The following ZSWIM9 variants were observed in gnomAD, a reference collection of about 807,000 sequenced individuals.
ZSWIM9 encodes the protein zinc finger SWIM-type containing 9, also known as uncharacterized protein ZSWIM9.
ZSWIM9 carries 11 observed loss-of-function variants against 25.0 expected under a neutral mutation model. The ratio of observed to expected loss-of-function variants is 0.44; its 90% CI spans 0.28 to 0.73. The LOEUF (loss-of-function observed/expected upper bound fraction) is 0.73. Ranked by LOEUF, ZSWIM9 falls within the 30% of genes least tolerant of loss-of-function variation. ZSWIM9 has a pLI of 0.16. For missense variants in ZSWIM9, 1,070 were observed against 1,296.5 expected (o/e 0.83, Z 2.68); for synonymous variants, 562 against 582.1 (o/e 0.97, Z 0.50).
chr19:48,196,874 C>T lies in ZSWIM9; in HGVS notation c.*47C>T. 8.0e-7 allele frequency: 1 copy of T among 1,249,636 alleles called. No homozygotes were observed. The highest frequency in any genetic ancestry group is 1.0e-6 in the Non-Finnish European group (1 of 998,464). 77.4% of individuals were successfully genotyped at this position (1,249,636 alleles called of 1,614,324 possible). A position where few individuals can be genotyped will look rare whatever the true frequency, so the allele number is the denominator to read the frequency against. On this transcript the variant is annotated 3_prime_UTR_variant, in exon 4 of 4. Coordinates refer to ENST00000614654, the MANE Select transcript of ZSWIM9 (RefSeq NM_199341.4). Reference sequence around the variant, plus strand: ...ACCCTCCACCAGGAGGGTCGGAGGGCATTCTTCGATCCCAAAGATAATAGG... The same window carrying T: ...ACCCTCCACCAGGAGGGTCGGAGGGTATTCTTCGATCCCAAAGATAATAGG...
At chr19:48,171,022 A>G (rs1211510740) in intron 1 of ZSWIM9, among the ~76,000 whole-genome samples, 1 of 152,058 alleles carries the variant, frequency 6.6e-6, no homozygotes, top group Non-Finnish European at 1.5e-5. Context: ...GGAGGAGGGG[A>G]CCACAGGTGA....
chr19:48,196,119 G>A lies in ZSWIM9; in HGVS notation c.2055G>A (p.Gln685=), dbSNP rs1444015628. 3 of 1,244,424 alleles carry A rather than the reference G, an allele frequency of 2.4e-6. No individual in the cohort carries two copies. Among genetic ancestry groups the A allele is most frequent in the East Asian group, 6.3e-5 (2 of 31,794 alleles). 77.1% of individuals were successfully genotyped at this position (1,244,424 alleles called of 1,614,324 possible). A position where few individuals can be genotyped will look rare whatever the true frequency, so the allele number is the denominator to read the frequency against. ...APENGDQRGP[Q]WEDERRRGPE... ...AGAACGGAGACCAAAGGGGACCCCA[G>A]TGGGAAGATGAGAGGAGGAGAGGGC... is the stretch of plus-strand genomic sequence containing the variant. The change falls in exon 4 of 4, where the codon CAG becomes CAA. Residue 685 remains glutamine (Q), a synonymous_variant. Coordinates refer to ENST00000614654, the MANE Select transcript of ZSWIM9 (RefSeq NM_199341.4).
rs949667807 is a variant in ZSWIM9, at chr19:48,182,729, G to C, written c.550G>C (p.Val184Leu). The change falls in exon 3 of 4, where the codon GTG (valine) becomes CTG (leucine). Residue 184 changes from valine to leucine, a missense_variant. Physicochemically the swap from Val to Leu is conservative, Grantham distance 32. Coordinates refer to ENST00000614654, the MANE Select transcript of ZSWIM9 (RefSeq NM_199341.4). The surrounding 1 kb of genome is among the most constrained non-coding windows in gnomAD (Gnocchi z 4.6). ...CCACGGCGTCCTGGACGCCCTGCAC[G>C]TGCTCGAGGGCCTCTTCCGCACCGA... ...RDHGVLDALH[V>L]LEGLFRTDPE... 1.3e-6 allele frequency: 2 copies of C among 1,534,512 alleles called. No homozygotes were observed. Among genetic ancestry groups the C allele is most frequent in the African/African-American group, 2.7e-5 (2 of 73,020 alleles).
intron 3 of ZSWIM9, among the ~76,000 whole-genome samples, chr19:48,186,308 TTTG>T (rs869074014): frequency 2.4e-4 from 37 of 151,300 alleles, no homozygotes; most frequent in African/African-American, 7.8e-4. Flanking sequence ...TGTTTGTTTG[TTTG>T]TTCTTTGAGA....
At position 48,193,704 on chromosome 19, in the gene ZSWIM9, G is replaced by A. The variant is rs564948745; in HGVS notation, c.589-949G>A. Among the ~76,000 whole-genome samples the A allele has an allele frequency of 6.2e-4, 95 of 152,338 alleles. 1 individual carries two copies. The highest frequency in any genetic ancestry group is 1.2e-3 in the Non-Finnish European group (83 of 68,038). On this transcript the variant is annotated intron_variant, in intron 3 of 3. Transcript: ENST00000614654. Reference sequence around the variant, plus strand: ...CGGGACGTGATGTTTGAACAGAGACGATAATTATAATGGCCACTTTCAGAA... The same window carrying A: ...CGGGACGTGATGTTTGAACAGAGACAATAATTATAATGGCCACTTTCAGAA...
chr19:48,195,507 G>C lies in ZSWIM9; in HGVS notation c.1443G>C (p.Pro481=). ...GLETGDWGGA[P]KEGSIWRGAQ... is the part of the protein sequence containing the mutation. ...AGACAGGCGACTGGGGAGGGGCTCC[G>C]AAAGAAGGAAGTATTTGGAGGGGAG... The change falls in exon 4 of 4, where the codon CCG becomes CCC. Residue 481 remains proline, a synonymous_variant. Transcript: ENST00000614654. This position sits in a 1 kb window ranked among gnomAD's most constrained non-coding sequence, Gnocchi z 5.8. The C allele has an allele frequency of 7.1e-7, 1 of 1,413,318 alleles. No individual in the cohort carries two copies. The highest frequency in any genetic ancestry group is 2.8e-5 in the East Asian group (1 of 36,122). 87.5% of individuals were successfully genotyped at this position (1,413,318 alleles called of 1,614,324 possible). A position where few individuals can be genotyped will look rare whatever the true frequency, so the allele number is the denominator to read the frequency against.
intron 3 of ZSWIM9, among the ~76,000 whole-genome samples, chr19:48,184,144 T>C (rs1333346008): frequency 6.6e-6 from 1 of 151,896 alleles, no homozygotes; most frequent in Non-Finnish European, 1.5e-5. Context: ...GGCCGGGGCC[T>C]GGAGCGGGAC....
At chr19:48,173,524 C>T (rs2036861950) in intron 2 of ZSWIM9, among the ~76,000 whole-genome samples, 1 of 152,074 alleles carries the variant, frequency 6.6e-6, no homozygotes, top group Non-Finnish European at 1.5e-5. Flanking sequence ...GTCTCGAACT[C>T]CTGACCTCAA....
chr19:48,178,557 A>T (rs1306621003), intron 2 of ZSWIM9, among the ~76,000 whole-genome samples: 1 of 146,246 alleles, frequency 6.8e-6, no homozygotes. Flanking sequence ...CCTTGGACCA[A>T]TCCCAACCTG....
Position 48,195,732 on chromosome 19 carries a change from T to G in ZSWIM9, c.1668T>G (p.Ile556Met). 6.8e-7 allele frequency: 1 copy of G among 1,480,386 alleles called. No individual in the cohort carries two copies. Among genetic ancestry groups the G allele is most frequent in the African/African-American group, 1.4e-5 (1 of 70,072 alleles). 91.7% of individuals were successfully genotyped at this position (1,480,386 alleles called of 1,614,324 possible). Residue 556 changes from isoleucine to methionine, a missense_variant, in exon 4 of 4, where the codon ATT becomes ATG. Physicochemically the swap from Ile to Met is conservative, Grantham distance 10. Around this residue, in one of 4 missense-constraint regions of ZSWIM9, gnomAD observed 583 missense variants for 624.7 expected, o/e 0.93. Coordinates refer to ENST00000614654, the MANE Select transcript of ZSWIM9 (RefSeq NM_199341.4). This position sits in a 1 kb window ranked among gnomAD's most constrained non-coding sequence, Gnocchi z 5.8. ...LEKGHLRGPE[I>M]RDWRGPQLEG... ...AAGGGCACCTGAGAGGGCCAGAGATTAGAGACTGGAGGGGGCCCCAGTTGG... is the reference window on the plus strand; with the variant it reads ...AAGGGCACCTGAGAGGGCCAGAGATGAGAGACTGGAGGGGGCCCCAGTTGG...
chr19:48,172,007 G>A lies in ZSWIM9; in HGVS notation c.205G>A (p.Asp69Asn). The A allele has an allele frequency of 1.3e-6, 2 of 1,535,692 alleles. No homozygotes were observed. Among genetic ancestry groups the A allele is most frequent in the South Asian group, 1.2e-5 (1 of 84,022 alleles). ...ASAPPLYTLI[D>N]VLKYSYVRLV... ...TGCGCCCCCGCTCTACACGCTCATC[G>A]ACGTGCTCAAGTACAGCTACGTGCG... Residue 69 changes from aspartate to asparagine, a missense_variant, in exon 2 of 4, where the codon GAC (aspartate) becomes AAC (asparagine). This residue lies in a region of ZSWIM9 where 265 missense variants were observed against 339.0 expected (regional missense o/e 0.78). Coordinates refer to ENST00000614654, the MANE Select transcript of ZSWIM9 (RefSeq NM_199341.4).
At position 48,172,823 on chromosome 19, in the gene ZSWIM9, A is replaced by G. The variant is rs546869449; in HGVS notation, c.275+746A>G. Reference sequence around the variant, plus strand: ...AGCCACTGTGCCCGGCCTGACTTACAGAATGTAATAGAGACTTCGAGAGGC... The same window carrying G: ...AGCCACTGTGCCCGGCCTGACTTACGGAATGTAATAGAGACTTCGAGAGGC... On this transcript the variant is annotated intron_variant, in intron 2 of 3. Coordinates refer to ENST00000614654, the MANE Select transcript of ZSWIM9 (RefSeq NM_199341.4). 3.9e-5 allele frequency among the ~76,000 whole-genome samples: 6 copies of G among 152,268 alleles called. No individual in the cohort carries two copies. In the East Asian group the frequency reaches 1.2e-3, roughly 29 times the overall value.
chr19:48,195,305 T>C lies in ZSWIM9; in HGVS notation c.1241T>C (p.Leu414Pro), dbSNP rs2037145693. ...GTGCGAGGCCACCGCCGGCGACTGC[T>C]GCGTCGTCTCAGCCCCTCGCGTGGC... ...ALVRGHRRRL[L>P]RRLSPSRGVA... The change falls in exon 4 of 4, where the codon CTG becomes CCG. Residue 414 changes from leucine (L) to proline (P), a missense_variant. Transcript: ENST00000614654. The surrounding 1 kb of genome is among the most constrained non-coding windows in gnomAD (Gnocchi z 5.8). 6.5e-7 allele frequency: 1 copy of C among 1,530,480 alleles called. No homozygotes were observed. The highest frequency in any genetic ancestry group is 8.7e-7 in the Non-Finnish European group (1 of 1,144,688). The allele number at this position is 1,530,480 out of a possible 1,614,324, so 94.8% of individuals were successfully genotyped here.
chr19:48,191,485 G>A lies in ZSWIM9; in HGVS notation c.589-3168G>A, dbSNP rs373702996. On this transcript the variant is annotated intron_variant, in intron 3 of 3. Transcript: ENST00000614654. ...TTCCCAAAGTGCTGGGATTACAGGC[G>A]TAAGCCACTGTGCCCAGCCTTAGCT... is the stretch of plus-strand genomic sequence containing the variant. Among the ~76,000 whole-genome samples, 10 of 152,298 alleles carry A rather than the reference G, an allele frequency of 6.6e-5. No homozygotes were observed. The East Asian group carries it at 1.2e-3, about 18-fold the overall frequency.
Position 48,197,498 on chromosome 19 carries a change from C to G in ZSWIM9, c.*671C>G, listed in dbSNP as rs892608910. 1.8e-5 allele frequency: 10 copies of G among 560,844 alleles called. No individual in the cohort carries two copies. The highest frequency in any genetic ancestry group is 3.2e-5 in the Non-Finnish European group (10 of 314,782). 34.7% of individuals were successfully genotyped at this position (560,844 alleles called of 1,614,324 possible). ...TTTCTCCAAGACCTGGAGACATCGA[C>G]CCCCATCGCCTTCTGAAGAGAGAGG... On this transcript the variant is annotated 3_prime_UTR_variant, in exon 4 of 4. Transcript: ENST00000614654.
At chr19:48,174,445 A>G (rs1045618601) in intron 2 of ZSWIM9, among the ~76,000 whole-genome samples, 4 of 152,172 alleles carry the variant, frequency 2.6e-5, no homozygotes, top group South Asian at 2.1e-4. Flanking sequence ...ATTCGAGAGC[A>G]TGGACTCTGG....
intron 2 of ZSWIM9, among the ~76,000 whole-genome samples, chr19:48,176,792 G>A (rs770725157): frequency 2.0e-5 from 3 of 151,972 alleles, no homozygotes; most frequent in Non-Finnish European, 2.9e-5. Flanking sequence ...AGCCGGGTGC[G>A]GTGGCTCACA....
chr19:48,196,415 C>T lies in ZSWIM9; in HGVS notation c.2351C>T (p.Ala784Val). Residue 784 changes from alanine to valine, a missense_variant, in exon 4 of 4, where the codon GCG (alanine) becomes GTG (valine). Transcript: ENST00000614654. ...VLEGSPEWAA[A>V]RSEHLAAGDG... The stretch of plus-strand genomic sequence containing the variant: ...GAAGGCAGCCCAGAATGGGCAGCGG[C>T]GAGGAGTGAACACCTGGCTGCAGGT... 8.1e-7 allele frequency: 1 copy of T among 1,232,346 alleles called. No individual in the cohort carries two copies. The highest frequency in any genetic ancestry group is 1.0e-6 in the Non-Finnish European group (1 of 988,262). 76.3% of individuals were successfully genotyped at this position (1,232,346 alleles called of 1,614,324 possible).
rs1029272161 is a variant in ZSWIM9 at position 48,182,676 on chromosome 19, G to A, written c.497G>A (p.Arg166His). 4 of 1,535,744 alleles carry A rather than the reference G, an allele frequency of 2.6e-6. No individual in the cohort carries two copies. Among genetic ancestry groups the A allele is most frequent in the Non-Finnish European group, 3.5e-6 (4 of 1,146,626 alleles). ...TTCGTGGCCCCAGCCGACGTGCGCC[G>A]CCTGCTGTCCTACTGCAAGGGCCGC... ...KQFVAPADVR[R>H]LLSYCKGRDH... Residue 166 changes from arginine (R) to histidine (H), a missense_variant, in exon 3 of 4, where the codon CGC becomes CAC. Around this residue, in one of 4 missense-constraint regions of ZSWIM9, gnomAD observed 265 missense variants for 339.0 expected, o/e 0.78. Coordinates refer to ENST00000614654, the MANE Select transcript of ZSWIM9 (RefSeq NM_199341.4). This position sits in a 1 kb window ranked among gnomAD's most constrained non-coding sequence, Gnocchi z 4.6.
Sources: allele counts gnomAD v4.1 joint callset (sites outside exome capture counted in the v4.1 genomes callset), GRCh38; gene constraint gnomAD v4.1.1; regional missense constraint gnomAD v4.1.1; non-coding constraint Gnocchi (gnomAD v3.1); transcripts MANE v1.5; gene names NCBI Gene and HGNC (gene_info 2026-07-23, HGNC 2026-07-21).